Variants in ADAMTS6 observed in about 807,000 individuals in gnomAD.
ADAMTS6 encodes the protein A disintegrin and metalloproteinase with thrombospondin motifs 6.
In ADAMTS6, 23 loss-of-function variants were observed where a neutral mutation model predicts 144.3. The ratio of observed to expected loss-of-function variants is 0.16; its 90% confidence interval spans 0.11 to 0.23. The LOEUF (loss-of-function observed/expected upper bound fraction) is 0.23, where lower values mean the gene tolerates loss of function less well. Among genes scored for constraint, ADAMTS6 ranks in the 10% least tolerant of loss-of-function variants. The pLI, the probability that ADAMTS6 is intolerant of heterozygous loss-of-function variation, is 1.00. For synonymous variants in ADAMTS6, 444 were observed against 457.5 expected, an observed-to-expected ratio of 0.97 and a Z score of 0.38; for missense variants, 999 against 1,379.6, an observed-to-expected ratio of 0.72 and a Z score of 4.37.
chr5:65,292,600 T>C (rs1742430392), intron 10 of ADAMTS6, among the ~76,000 whole-genome samples: 1 of 152,132 alleles, frequency 6.6e-6, no homozygotes, highest in African/African-American at 2.4e-5. Flanking sequence ...AAAAGGTATG[T>C]TCACACACAG....
Position 65,444,674 on chromosome 5 carries a change from GAGA to G in ADAMTS6, c.1073+6798_1073+6800del, listed in dbSNP as rs150973620. ...CAGTTCGCTAGACCACAGTCCAGAG[GAGA>G]AGATTACATAAAGTCATGAATATCA... On this transcript the variant is annotated intron_variant, in intron 7 of 24. Transcript: ENST00000381055. 3.1e-3 allele frequency among the ~76,000 whole-genome samples: 467 copies of G among 152,274 alleles called. 5 individuals are homozygous for G. The highest frequency in any genetic ancestry group is 0.011 in the African/African-American group (454 of 41,546).
intron 7 of ADAMTS6, among the ~76,000 whole-genome samples, chr5:65,355,926 T>C (rs1749278671): frequency 1.3e-5 from 2 of 151,868 alleles, no homozygotes; most frequent in South Asian, 4.1e-4. Context: ...TCTAATTGTT[T>C]CTTTATTTTT....
At chr5:65,303,628 A>C (rs1360205698) in intron 9 of ADAMTS6, among the ~76,000 whole-genome samples, 1 of 151,828 alleles carries the variant, frequency 6.6e-6, no homozygotes, top group South Asian at 2.1e-4. Flanking sequence ...TACAGTATAT[A>C]ATTTAAAAAT....
At chr5:65,194,040 CCTT>C (rs1755177757) in intron 21 of ADAMTS6, among the ~76,000 whole-genome samples, 4 of 151,520 alleles carry the variant, frequency 2.6e-5, no homozygotes, top group Admixed American at 1.3e-4. Context: ...TTTTTTGTTT[CCTT>C]CTTTTTGCTT....
chr5:65,186,657 G>T (rs2112166179), intron 22 of ADAMTS6, among the ~76,000 whole-genome samples: 1 of 152,284 alleles, frequency 6.6e-6, no homozygotes, highest in South Asian at 2.1e-4. Flanking sequence ...AGGAGTTAAT[G>T]TATCCCGTTA....
rs550125079 is a variant in ADAMTS6 at position 65,321,298 on chromosome 5, C to T, written c.1223+8080G>A. 3.5e-4 allele frequency among the ~76,000 whole-genome samples: 53 copies of T among 152,156 alleles called. 1 individual carries two copies. In the South Asian group the frequency reaches 0.011, roughly 31 times the overall value. The stretch of plus-strand genomic sequence containing the variant: ...TTTTGATTTGGATTTCTCTAATTAT[C>T]AGTGATGTTGAGCTTTTTTTTCATA... On this transcript the variant is annotated intron_variant, in intron 9 of 24. Transcript: ENST00000381055.
Position 65,226,235 on chromosome 5 carries a change from A to G in ADAMTS6, c.1934-16T>C. 1 of 1,609,744 alleles carries G rather than the reference A, an allele frequency of 6.2e-7. No homozygotes were observed. ...TTTACCCCACCTGGACAAATACAGT[A>G]GAAGAGAAATAAGTGGAGTGGTTGT... On this transcript the variant is annotated splice_polypyrimidine_tract_variant and intron_variant, in intron 15 of 24. Coordinates refer to ENST00000381055, the MANE Select transcript of ADAMTS6 (RefSeq NM_197941.4).
chr5:65,428,594 A>G (rs1259232421), intron 7 of ADAMTS6, among the ~76,000 whole-genome samples: 1 of 152,196 alleles, frequency 6.6e-6, no homozygotes, highest in Non-Finnish European at 1.5e-5. Context: ...ATGGCTCCTC[A>G]GTTTACATGC....
At chr5:65,450,513 C>A (rs1758652979) in intron 7 of ADAMTS6, among the ~76,000 whole-genome samples, 1 of 152,036 alleles carries the variant, frequency 6.6e-6, no homozygotes, top group African/African-American at 2.4e-5. Context: ...ACCATCATAC[C>A]AAAGACTATT....
intron 7 of ADAMTS6, among the ~76,000 whole-genome samples, chr5:65,362,556 A>G (rs1457626810): frequency 6.6e-6 from 1 of 152,220 alleles, no homozygotes; most frequent in Non-Finnish European, 1.5e-5. Context: ...AATCTAGAAA[A>G]GTAAACACTG....
chr5:65,335,167 T>A (rs1747184740), intron 7 of ADAMTS6, among the ~76,000 whole-genome samples: 1 of 152,162 alleles, frequency 6.6e-6, no homozygotes, highest in Non-Finnish European at 1.5e-5. Flanking sequence ...GTTGAACTCA[T>A]TAAAATTTCT....
At chr5:65,385,471 A>G (rs1752405965) in intron 7 of ADAMTS6, among the ~76,000 whole-genome samples, 1 of 152,156 alleles carries the variant, frequency 6.6e-6, no homozygotes. Context: ...TTTGTACTTC[A>G]GTTTTCTCCA....
At chr5:65,195,642 T>C (rs1244747880) in intron 21 of ADAMTS6, among the ~76,000 whole-genome samples, 2 of 152,246 alleles carry the variant, frequency 1.3e-5, no homozygotes, top group Non-Finnish European at 2.9e-5. Flanking sequence ...GGACATGGAT[T>C]ATTTATGTAT....
intron 11 of ADAMTS6, among the ~76,000 whole-genome samples, chr5:65,275,366 AG>A (rs1762402312): frequency 2.4e-5 from 2 of 82,042 alleles, no homozygotes; most frequent in African/African-American, 8.8e-5. Context: ...AAAGAAAGAA[AG>A]AAAGAAAGAA....
chr5:65,213,268 T>TTG (rs1756661978), intron 20 of ADAMTS6, among the ~76,000 whole-genome samples: 1 of 152,236 alleles, frequency 6.6e-6, no homozygotes, highest in East Asian at 1.9e-4. Flanking sequence ...TCATCTTTTT[T>TTG]GTTTTTTTCA....
intron 7 of ADAMTS6, among the ~76,000 whole-genome samples, chr5:65,447,766 C>T (rs939864599): frequency 6.6e-6 from 1 of 151,366 alleles, no homozygotes; most frequent in Non-Finnish European, 1.5e-5. Flanking sequence ...GTTACTAATA[C>T]TGATATTTTA....
intron 22 of ADAMTS6, among the ~76,000 whole-genome samples, chr5:65,177,905 GTAA>G (rs1008596069): frequency 2.0e-5 from 3 of 152,202 alleles, no homozygotes; most frequent in Non-Finnish European, 4.4e-5. Context: ...ACAACCTGGA[GTAA>G]TAAGTCGTGC....
intron 7 of ADAMTS6, among the ~76,000 whole-genome samples, chr5:65,437,338 C>T (rs1008675816): frequency 6.6e-6 from 1 of 152,130 alleles, no homozygotes; most frequent in Non-Finnish European, 1.5e-5. Context: ...TCGTGATCCA[C>T]CTACCTCAGC....
chr5:65,175,528 G>A (rs933513069), intron 22 of ADAMTS6, among the ~76,000 whole-genome samples: 4 of 151,316 alleles, frequency 2.6e-5, no homozygotes, highest in South Asian at 2.1e-4. Context: ...AAACAAGGGC[G>A]TATTCCCGAA....
Sources: gnomAD v4.1 joint callset for allele counts (sites outside exome capture counted in the v4.1 genomes callset) on GRCh38, gnomAD v4.1.1 for gene constraint, MANE v1.5 for transcripts, NCBI Gene and HGNC (gene_info 2026-07-23, HGNC 2026-07-21) for gene names.